SLC41A2: variants seen among roughly 807,000 people sequenced by gnomAD.
The protein encoded by SLC41A2 is solute carrier family 41 member 2.
In SLC41A2, 32 loss-of-function variants were observed where a neutral mutation model predicts 58.3. That is an observed-to-expected ratio of 0.55 (90% CI 0.41 to 0.74). The LOEUF (loss-of-function observed/expected upper bound fraction) is 0.74, where lower values mean the gene tolerates loss of function less well. SLC41A2 is among the 30% of genes least tolerant of loss of function. SLC41A2 has a pLI of 0.00. For synonymous variants in SLC41A2, 190 were observed against 235.0 expected (o/e 0.81, Z 1.75); for missense variants, 514 against 680.6 (o/e 0.76, Z 2.72).
Position 104,805,105 on chromosome 12 carries a change from T to C in SLC41A2, c.*47A>G. On this transcript the variant is annotated 3_prime_UTR_variant, in exon 11 of 11. Coordinates refer to ENST00000258538, the MANE Select transcript of SLC41A2 (RefSeq NM_001352171.3). ...TTTGAAAAAGAGCCATAAGTGGTTG[T>C]CGTGTATTTTCTTCCTTGGTAACTT... The C allele has an allele frequency of 2.0e-6, 3 of 1,478,928 alleles. No individual in the cohort carries two copies. The highest frequency in any genetic ancestry group is 1.8e-6 in the Non-Finnish European group (2 of 1,093,676). The allele number at this position is 1,478,928 out of a possible 1,614,324, so 91.6% of individuals were successfully genotyped here.
intron 10 of SLC41A2, among the ~76,000 whole-genome samples, chr12:104,824,591 C>T (rs1410906092): frequency 6.6e-6 from 1 of 152,198 alleles, no homozygotes. Flanking sequence ...ATACAGAAAG[C>T]CCTCTGTCCT....
intron 1 of SLC41A2, among the ~76,000 whole-genome samples, chr12:104,933,896 A>G (rs1302079025): frequency 2.0e-5 from 3 of 152,080 alleles, no homozygotes; most frequent in Non-Finnish European, 1.5e-5. Context: ...ACAGAGTGGT[A>G]TAATGGACAC....
intron 8 of SLC41A2, among the ~76,000 whole-genome samples, chr12:104,850,754 T>C (rs2042768580): frequency 6.6e-6 from 1 of 152,190 alleles, no homozygotes; most frequent in African/African-American, 2.4e-5. Context: ...ATTTAGTAAA[T>C]ACAAAATTCA....
intron 10 of SLC41A2, among the ~76,000 whole-genome samples, chr12:104,827,642 G>T (rs1378901200): frequency 6.6e-6 from 1 of 151,948 alleles, no homozygotes; most frequent in East Asian, 1.9e-4. Flanking sequence ...TATAAAACTT[G>T]TTTTTTTTCT....
chr12:104,808,715 T>C (rs907026688), intron 10 of SLC41A2, among the ~76,000 whole-genome samples: 1 of 152,228 alleles, frequency 6.6e-6, no homozygotes, highest in Non-Finnish European at 1.5e-5. Flanking sequence ...TTTTGGTTGG[T>C]AAGCTATTGA....
At chr12:104,897,883 G>A (rs2045373357) in intron 3 of SLC41A2, among the ~76,000 whole-genome samples, 1 of 152,136 alleles carries the variant, frequency 6.6e-6, no homozygotes, top group African/African-American at 2.4e-5. Context: ...CCATCCTACT[G>A]TCCAGTGGTT....
intron 8 of SLC41A2, among the ~76,000 whole-genome samples, chr12:104,846,822 A>G (rs536038338): frequency 6.6e-6 from 1 of 152,298 alleles, no homozygotes; most frequent in Admixed American, 6.5e-5. Context: ...ATAACCATAA[A>G]AAACAAACCC....
At chr12:104,899,670 T>C (rs2045463768) in intron 3 of SLC41A2, among the ~76,000 whole-genome samples, 1 of 152,188 alleles carries the variant, frequency 6.6e-6, no homozygotes, top group South Asian at 2.1e-4. Context: ...CTCTGTGCAA[T>C]TCTCTTGCGT....
At chr12:104,885,634 C>T (rs951187658) in intron 6 of SLC41A2, among the ~76,000 whole-genome samples, 3 of 152,128 alleles carry the variant, frequency 2.0e-5, no homozygotes, top group African/African-American at 7.2e-5. Context: ...ATGTCATCAA[C>T]ACTCACAAAT....
chr12:104,918,779 A>G (rs1303946430), intron 2 of SLC41A2, among the ~76,000 whole-genome samples: 1 of 152,054 alleles, frequency 6.6e-6, no homozygotes, highest in African/African-American at 2.4e-5. Context: ...TACTTTTTTT[A>G]AATTAAACTT....
chr12:104,853,913 T>TATTATTATTATTATTA lies in SLC41A2; in HGVS notation c.1255+7377_1255+7378insTAATAATAATAATAAT, dbSNP rs1555202444. ...GTGCATGTCACCATGCCTGGCTGAT[T>TATTATTATTATTATTA]TTTTTTTTTTTTTTTTTTTTTTTTT... On this transcript the variant is annotated intron_variant, in intron 8 of 10. Transcript: ENST00000258538. Among the ~76,000 whole-genome samples, 56 of 38,432 alleles carry TATTATTATTATTATTA rather than the reference T, an allele frequency of 1.5e-3. 1 individual carries two copies. Among genetic ancestry groups the TATTATTATTATTATTA allele is most frequent in the East Asian group, 6.6e-3 (7 of 1,060 alleles). 25.2% of individuals were successfully genotyped at this position (38,432 alleles called of 152,430 possible). A position where few individuals can be genotyped will look rare whatever the true frequency, so the allele number is the denominator to read the frequency against.
At chr12:104,853,907 G>C (rs1158227061) in intron 8 of SLC41A2, among the ~76,000 whole-genome samples, 1 of 58,150 alleles carries the variant, frequency 1.7e-5, no homozygotes, top group Non-Finnish European at 4.1e-5. Flanking sequence ...ACCATGCCTG[G>C]CTGATTTTTT....
intron 10 of SLC41A2, among the ~76,000 whole-genome samples, chr12:104,839,795 G>A (rs56784841): frequency 7.9e-5 from 12 of 152,150 alleles, no homozygotes; most frequent in African/African-American, 2.7e-4. Context: ...AAGCCACTGC[G>A]CCCGGCCTCT....
chr12:104,884,290 C>A (rs571413343), intron 6 of SLC41A2, among the ~76,000 whole-genome samples: 2 of 152,166 alleles, frequency 1.3e-5, no homozygotes, highest in Non-Finnish European at 2.9e-5. Flanking sequence ...TGACCCCTTG[C>A]GCTTCCCTGG....
intron 10 of SLC41A2, among the ~76,000 whole-genome samples, chr12:104,816,749 C>A (rs1166641808): frequency 2.6e-5 from 4 of 152,104 alleles, no homozygotes; most frequent in African/African-American, 9.7e-5. Context: ...ACAATGTGAC[C>A]CTTACATGGA....
At chr12:104,866,311 C>T in intron 7 of SLC41A2, 121 bp downstream of exon 7, 1 of 1,238,190 alleles carries the variant, frequency 8.1e-7, no homozygotes, top group Non-Finnish European at 1.0e-6. Context: ...GAAATAAAAA[C>T]AGGCAATTCA....
At chr12:104,811,093 G>C (rs2041153873) in intron 10 of SLC41A2, among the ~76,000 whole-genome samples, 1 of 152,058 alleles carries the variant, frequency 6.6e-6, no homozygotes, top group Admixed American at 6.6e-5. Flanking sequence ...ATTGTTCATG[G>C]CCAAAGGATA....
In SLC41A2 at chr12:104,826,787, T is replaced by A. The variant is rs7301382; in HGVS notation, c.1536+17685A>T. On this transcript the variant is annotated intron_variant, in intron 10 of 10. Transcript: ENST00000258538. ...GGCTTTCCAGAATTTCACCCAAATA[T>A]TTGAACTCTCCTGGAGAGACATTAT... 2.1e-3 allele frequency among the ~76,000 whole-genome samples: 313 copies of A among 152,320 alleles called. 1 individual carries two copies. The highest frequency in any genetic ancestry group is 7.0e-3 in the African/African-American group (293 of 41,570).
intron 7 of SLC41A2, among the ~76,000 whole-genome samples, chr12:104,864,486 T>G (rs2043340065): frequency 1.3e-5 from 2 of 152,202 alleles, no homozygotes; most frequent in South Asian, 4.1e-4. Context: ...CTGGAAACAT[T>G]TGGGATTCAT....
Sources: gnomAD v4.1 joint callset for allele counts (sites outside exome capture counted in the v4.1 genomes callset) on GRCh38, gnomAD v4.1.1 for gene constraint, MANE v1.5 for transcripts, NCBI Gene and HGNC (gene_info 2026-07-23, HGNC 2026-07-21) for gene names.